The following GRID2 variants were observed in gnomAD, a reference collection of about 807,000 sequenced individuals.
GRID2 encodes the protein glutamate receptor ionotropic, delta-2.
A neutral mutation model predicts 114.8 loss-of-function variants in GRID2; 33 were observed. That is an observed-to-expected ratio of 0.29 (90% CI 0.22 to 0.38). The LOEUF is 0.38. Ranked by LOEUF, GRID2 falls within the 10% of genes least tolerant of loss-of-function variation. The probability of loss-of-function intolerance (pLI) is 1.00; values close to 1 mark genes in which losing one functional copy is unlikely to be tolerated. For synonymous variants in GRID2, 505 were observed against 449.9 expected (o/e 1.12, Z -1.55); for missense variants, 1,184 against 1,257.7 (o/e 0.94, Z 0.89).
intron 9 of GRID2, among the ~76,000 whole-genome samples, chr4:93,410,451 A>C (rs1202987448): frequency 1.3e-5 from 2 of 152,172 alleles, no homozygotes; most frequent in Non-Finnish European, 2.9e-5. Context: ...TGACAAATTA[A>C]ATGCATGCTT....
chr4:93,363,398 T>G (rs1042515526), intron 8 of GRID2, among the ~76,000 whole-genome samples: 1 of 152,144 alleles, frequency 6.6e-6, no homozygotes, highest in Non-Finnish European at 1.5e-5. Flanking sequence ...AGAGGAGTGA[T>G]GATTTTGTCC....
intron 13 of GRID2, among the ~76,000 whole-genome samples, chr4:93,615,085 T>C (rs1000438299): frequency 3.3e-5 from 5 of 152,194 alleles, no homozygotes; most frequent in Non-Finnish European, 5.9e-5. Context: ...TCCAATGTGA[T>C]GACACCAAGC....
intron 6 of GRID2, among the ~76,000 whole-genome samples, chr4:93,223,478 A>C (rs1745127840): frequency 6.6e-6 from 1 of 152,202 alleles, no homozygotes; most frequent in African/African-American, 2.4e-5. Context: ...TTATCTCAAT[A>C]GCCAAAGCTT....
At chr4:92,443,816 G>A (rs1425930422) in intron 1 of GRID2, among the ~76,000 whole-genome samples, 1 of 152,202 alleles carries the variant, frequency 6.6e-6, no homozygotes, top group Non-Finnish European at 1.5e-5. Context: ...CCTTTGAAAC[G>A]TGGGTTGAAT....
At chr4:93,405,576 A>T (rs762319040) in intron 9 of GRID2, among the ~76,000 whole-genome samples, 9 of 152,172 alleles carry the variant, frequency 5.9e-5, no homozygotes, top group African/African-American at 2.2e-4. Context: ...TTAGAAAGAG[A>T]TTGACAGAGT....
intron 2 of GRID2, among the ~76,000 whole-genome samples, chr4:92,700,340 T>C (rs1734606745): frequency 6.6e-6 from 1 of 152,186 alleles, no homozygotes; most frequent in Non-Finnish European, 1.5e-5. Context: ...GTATCATTGA[T>C]TGCTCACAAT....
At chr4:92,767,976 T>C (rs543193940) in intron 2 of GRID2, among the ~76,000 whole-genome samples, 3 of 152,230 alleles carry the variant, frequency 2.0e-5, no homozygotes, top group South Asian at 4.2e-4. Flanking sequence ...GTGTTACTTA[T>C]GCTTATTTTG....
At chr4:93,318,098 A>T (rs933897941) in intron 8 of GRID2, among the ~76,000 whole-genome samples, 1 of 148,790 alleles carries the variant, frequency 6.7e-6, no homozygotes, top group Non-Finnish European at 1.5e-5. Flanking sequence ...GAAACAATAT[A>T]ATTTATAATT....
chr4:92,864,042 A>C (rs1744703957), intron 2 of GRID2, among the ~76,000 whole-genome samples: 2 of 152,202 alleles, frequency 1.3e-5, no homozygotes, highest in Admixed American at 6.5e-5. Context: ...CTTCCCATTA[A>C]TAAGATGAAT....
At chr4:92,723,452 C>CA (rs1452695168) in intron 2 of GRID2, among the ~76,000 whole-genome samples, 2 of 151,886 alleles carry the variant, frequency 1.3e-5, no homozygotes, top group South Asian at 2.1e-4. Flanking sequence ...GAATAATGAA[C>CA]AAAAAAAGGT....
chr4:93,061,535 T>A (rs1294892822), intron 2 of GRID2, among the ~76,000 whole-genome samples: 1 of 152,080 alleles, frequency 6.6e-6, no homozygotes. Context: ...CCAAAGGGTA[T>A]TGACGTACAA....
intron 10 of GRID2, among the ~76,000 whole-genome samples, chr4:93,427,368 C>G (rs1463553159): frequency 1.3e-5 from 2 of 151,898 alleles, no homozygotes; most frequent in Non-Finnish European, 2.9e-5. Context: ...AATATACATA[C>G]TTTTGTGAAT....
chr4:93,313,661 A>G (rs986549333), intron 8 of GRID2, among the ~76,000 whole-genome samples: 4 of 152,214 alleles, frequency 2.6e-5, no homozygotes, highest in African/African-American at 9.6e-5. Flanking sequence ...GCTAAGTACT[A>G]GTATGGAGTA....
intron 2 of GRID2, among the ~76,000 whole-genome samples, chr4:92,855,345 G>C (rs774973944): frequency 2.6e-5 from 4 of 151,900 alleles, no homozygotes; most frequent in Non-Finnish European, 5.9e-5. Flanking sequence ...CCTTAAAGGC[G>C]AATAGTCCTG....
intron 1 of GRID2, among the ~76,000 whole-genome samples, chr4:92,375,712 T>C (rs1302500980): frequency 1.3e-5 from 2 of 152,196 alleles, no homozygotes; most frequent in Admixed American, 1.3e-4. Context: ...CTTCTCTTCT[T>C]CCTGTAATCC....
At chr4:93,625,923 CA>C (rs11350298) in intron 13 of GRID2, among the ~76,000 whole-genome samples, 22,762 of 152,008 alleles carry the variant, frequency 0.15, 4,024 homozygotes, top group African/African-American at 0.43. Context: ...TCAGAAAAAA[CA>C]AAACAAAACA....
At chr4:93,219,465 A>G in intron 6 of GRID2, among the ~76,000 whole-genome samples, 1 of 152,164 alleles carries the variant, frequency 6.6e-6, no homozygotes, top group Non-Finnish European at 1.5e-5. Context: ...AAACCCACAG[A>G]TGGAAGAAAA....
Position 93,107,983 on chromosome 4 carries a change from C to T in GRID2, c.530-2765C>T, listed in dbSNP as rs1375485323. Among the ~76,000 whole-genome samples the T allele has an allele frequency of 3.3e-5, 5 of 152,168 alleles. No homozygotes were observed. In the South Asian group the frequency reaches 8.3e-4, roughly 25 times the overall value. Reference sequence around the variant, plus strand: ...AGATCTACATAACCTGACTCTTCCTCTCCATCCAGCTTCATGTCTCACTAG... The same window carrying T: ...AGATCTACATAACCTGACTCTTCCTTTCCATCCAGCTTCATGTCTCACTAG... On this transcript the variant is annotated intron_variant, in intron 3 of 15. Transcript: ENST00000282020.
At chr4:93,614,302 G>A (rs534131087) in intron 13 of GRID2, among the ~76,000 whole-genome samples, 4 of 152,154 alleles carry the variant, frequency 2.6e-5, no homozygotes, top group African/African-American at 7.2e-5. Context: ...GCTGTAGACC[G>A]GAGCTGTTCC....
Sources: gnomAD v4.1 joint callset for allele counts (sites outside exome capture counted in the v4.1 genomes callset) on GRCh38, gnomAD v4.1.1 for gene constraint, MANE v1.5 for transcripts, NCBI Gene and HGNC (gene_info 2026-07-23, HGNC 2026-07-21) for gene names.